COBLL1: variants seen among roughly 807,000 people sequenced by gnomAD.
The protein encoded by COBLL1 is cordon-bleu WH2 repeat protein like 1, also known as cordon-bleu protein-like 1.
Under a neutral mutation model 94.8 loss-of-function variants are expected in COBLL1, and 50 were observed. The ratio of observed to expected loss-of-function variants is 0.53; its 90% CI spans 0.42 to 0.67. The LOEUF is 0.67. Among genes scored for constraint, COBLL1 ranks in the 30% least tolerant of loss-of-function variants. The pLI is 0.00. For synonymous variants in COBLL1, 448 were observed against 473.8 expected (o/e 0.95, Z 0.71); for missense variants, 1,362 against 1,348.7 (o/e 1.01, Z -0.15).
chr2:164,841,646 G>A lies in COBLL1; in HGVS notation c.-51+64C>T. 1 of 351,552 alleles carries A rather than the reference G, an allele frequency of 2.8e-6. No individual in the cohort carries two copies. Among genetic ancestry groups the A allele is most frequent in the Non-Finnish European group, 5.0e-6 (1 of 200,628 alleles). 21.8% of individuals were successfully genotyped at this position (351,552 alleles called of 1,614,324 possible). A position where few individuals can be genotyped will look rare whatever the true frequency, so the allele number is the denominator to read the frequency against. On this transcript the variant is annotated intron_variant, in intron 1 of 13. Transcript: ENST00000652658. The surrounding 1 kb of genome is among the most constrained non-coding windows in gnomAD (Gnocchi z 5.5). ...GAGTTTGCACAAACAAAACGCCCTA[G>A]GAAAACTTTTCCCGAAGAGAAGTTG...
intron 3 of COBLL1, among the ~76,000 whole-genome samples, chr2:164,742,666 C>T (rs1686660279): frequency 6.6e-6 from 1 of 152,074 alleles, no homozygotes; most frequent in African/African-American, 2.4e-5. Context: ...TTAAATAATA[C>T]TATATTATTT....
chr2:164,841,888 G>A (rs1240379180), upstream of COBLL1: 12 of 1,246,734 alleles, frequency 9.6e-6, no homozygotes, highest in Non-Finnish European at 1.3e-5. The surrounding 1 kb of genome is among the most constrained non-coding windows in gnomAD (Gnocchi z 5.5). Context: ...CACCTCCCCT[G>A]TCCCGCGGGC....
chr2:164,781,782 A>G (rs933592848), intron 2 of COBLL1, among the ~76,000 whole-genome samples: 3 of 152,196 alleles, frequency 2.0e-5, no homozygotes, highest in Non-Finnish European at 4.4e-5. Context: ...AAGGTGCTCA[A>G]GACAAAACAA....
At chr2:164,673,823 C>T (rs1227748109) in intron 1 of COBLL1, among the ~76,000 whole-genome samples, 3 of 151,904 alleles carry the variant, frequency 2.0e-5, no homozygotes, top group South Asian at 2.1e-4. Context: ...TAAATGGAAA[C>T]GAAAACAACT....
At chr2:164,842,054 G>T (rs926374926), upstream of COBLL1, 33 of 1,528,368 alleles carry the variant, frequency 2.2e-5, 1 homozygote, top group Non-Finnish European at 1.3e-5. Flanking sequence ...TTGGAGCGAG[G>T]GAAGCAGCGA....
intron 13 of COBLL1, chr2:164,687,324 C>CT: frequency 1.5e-6 from 1 of 657,138 alleles, no homozygotes. Flanking sequence ...AGGGCCACAA[C>CT]TGGGGATGTA....
chr2:164,813,738 C>T (rs1232387844), intron 2 of COBLL1, among the ~76,000 whole-genome samples: 1 of 152,116 alleles, frequency 6.6e-6, no homozygotes, highest in Non-Finnish European at 1.5e-5. Context: ...AAGGAATTTA[C>T]AAGAAAACTG....
intron 3 of COBLL1, among the ~76,000 whole-genome samples, chr2:164,736,020 T>C (rs747683264): frequency 6.6e-6 from 1 of 152,220 alleles, no homozygotes; most frequent in Non-Finnish European, 1.5e-5. Flanking sequence ...ATTTTTTCTC[T>C]TGTAAGATAA....
intron 2 of COBLL1, among the ~76,000 whole-genome samples, chr2:164,805,148 G>T (rs1684026147): frequency 6.6e-6 from 1 of 150,376 alleles, no homozygotes; most frequent in African/African-American, 2.5e-5. Context: ...ACAAAAAATT[G>T]ATCAAAAAGT....
intron 7 of COBLL1, among the ~76,000 whole-genome samples, chr2:164,715,162 G>C (rs1685100356): frequency 6.6e-6 from 1 of 152,090 alleles, no homozygotes. Flanking sequence ...TTGAAAATCT[G>C]ATGAAAACTA....
At chr2:164,741,402 A>C (rs1686587617) in intron 3 of COBLL1, among the ~76,000 whole-genome samples, 1 of 152,114 alleles carries the variant, frequency 6.6e-6, no homozygotes, top group Non-Finnish European at 1.5e-5. Context: ...CTTTAATTTG[A>C]CATTGAATTG....
At chr2:164,805,350 T>TAA (rs1438438657) in intron 2 of COBLL1, among the ~76,000 whole-genome samples, 5 of 112,940 alleles carry the variant, frequency 4.4e-5, no homozygotes, top group African/African-American at 6.9e-5. Context: ...TATATATATA[T>TAA]ATATATATAT....
intron 2 of COBLL1, among the ~76,000 whole-genome samples, chr2:164,756,090 G>GGAGGGA (rs1553474970): frequency 2.0e-5 from 3 of 149,206 alleles, no homozygotes; most frequent in East Asian, 4.0e-4. Context: ...AGGGAGGGAG[G>GGAGGGA]GAGAGAGAGA....
intron 2 of COBLL1, among the ~76,000 whole-genome samples, chr2:164,748,206 T>C (rs961231864): frequency 3.3e-5 from 5 of 152,202 alleles, no homozygotes; most frequent in African/African-American, 9.6e-5. Flanking sequence ...GCTTACTACA[T>C]AGTCCAGTCT....
At chr2:164,678,732 A>G (rs1280705825), downstream of COBLL1, among the ~76,000 whole-genome samples, 1 of 152,222 alleles carries the variant, frequency 6.6e-6, no homozygotes, top group East Asian at 1.9e-4. Flanking sequence ...CTTCTGAAAA[A>G]AGGCAAATGA....
chr2:164,718,391 A>T, intron 7 of COBLL1: 1 of 242,426 alleles, frequency 4.1e-6, no homozygotes, highest in Non-Finnish European at 6.6e-6. Flanking sequence ...CGAAAAGGGA[A>T]GCCCTTTATG....
intron 2 of COBLL1, among the ~76,000 whole-genome samples, chr2:164,791,117 G>T (rs1319077012): frequency 6.6e-6 from 1 of 151,944 alleles, no homozygotes; most frequent in African/African-American, 2.4e-5. Flanking sequence ...AAAAAGTGCA[G>T]AATACTCTGC....
intron 7 of COBLL1, among the ~76,000 whole-genome samples, chr2:164,716,022 C>G (rs1254609330): frequency 6.6e-6 from 1 of 152,162 alleles, no homozygotes; most frequent in African/African-American, 2.4e-5. Context: ...TTCCCTGACT[C>G]TTCTTCCACT....
At chr2:164,788,422 C>T (rs1682989289) in intron 2 of COBLL1, among the ~76,000 whole-genome samples, 1 of 152,090 alleles carries the variant, frequency 6.6e-6, no homozygotes, top group African/African-American at 2.4e-5. Context: ...ATAAAAATAG[C>T]TTTCATGGAG....
Sources: allele counts gnomAD v4.1 joint callset (sites outside exome capture counted in the v4.1 genomes callset), GRCh38; gene constraint gnomAD v4.1.1; non-coding constraint Gnocchi (gnomAD v3.1); transcripts MANE v1.5; gene names NCBI Gene and HGNC (gene_info 2026-07-23, HGNC 2026-07-21).